The following NCK2 variants were observed in gnomAD, a reference collection of about 807,000 sequenced individuals.
The protein encoded by NCK2 is cytoplasmic protein NCK2.
Under a neutral mutation model 33.9 loss-of-function variants are expected in NCK2, and 16 were observed. That is an observed-to-expected ratio of 0.47 (90% CI 0.32 to 0.72). NCK2 has a LOEUF of 0.72. Among genes scored for constraint, NCK2 ranks in the 30% least tolerant of loss-of-function variants. The pLI, the probability that NCK2 is intolerant of heterozygous loss-of-function variation, is 0.03. For missense variants in NCK2, 418 were observed against 537.3 expected (o/e 0.78, Z 2.19); for synonymous variants, 273 against 239.9 (o/e 1.14, Z -1.27).
chr2:105,854,833 A>T (rs1223904650), intron 2 of NCK2: 2 of 469,346 alleles, frequency 4.3e-6, no homozygotes, highest in East Asian at 7.0e-5. Flanking sequence ...AGCAAACAGT[A>T]ACATAAGATT....
chr2:105,796,472 G>A (rs1289170265), intron 1 of NCK2, among the ~76,000 whole-genome samples: 2 of 152,166 alleles, frequency 1.3e-5, no homozygotes, highest in African/African-American at 4.8e-5. Context: ...GATGAATGGG[G>A]GCATTGGAGC....
At chr2:105,749,024 T>A (rs545695882) in intron 1 of NCK2, among the ~76,000 whole-genome samples, 6 of 152,248 alleles carry the variant, frequency 3.9e-5, no homozygotes, top group African/African-American at 1.2e-4. Flanking sequence ...GTCATGTGAG[T>A]CATTTGTAGT....
At chr2:105,884,973 T>C (rs1312491863) in intron 4 of NCK2, among the ~76,000 whole-genome samples, 2 of 152,204 alleles carry the variant, frequency 1.3e-5, no homozygotes, top group African/African-American at 4.8e-5. Flanking sequence ...GTGTGTCCAT[T>C]ATAAATCCTT....
intron 3 of NCK2, 95 bp downstream of exon 3, chr2:105,855,384 C>G: frequency 1.2e-6 from 1 of 851,100 alleles, no homozygotes; most frequent in Non-Finnish European, 1.8e-6. Context: ...AAAAAAAAGT[C>G]TGTTTTAAAA....
intron 4 of NCK2, among the ~76,000 whole-genome samples, chr2:105,891,433 T>A (rs1678971946): frequency 6.6e-6 from 1 of 152,124 alleles, no homozygotes; most frequent in Admixed American, 6.5e-5. Context: ...TGTTATTCAT[T>A]TAATGAATTG....
At chr2:105,844,349 A>G (rs1205749039) in intron 2 of NCK2, among the ~76,000 whole-genome samples, 9 of 152,176 alleles carry the variant, frequency 5.9e-5, no homozygotes, top group Non-Finnish European at 1.3e-4. Context: ...TAGTTAATGT[A>G]TGGGTAGTGG....
At chr2:105,865,176 G>A (rs987755603) in intron 3 of NCK2, among the ~76,000 whole-genome samples, 3 of 152,076 alleles carry the variant, frequency 2.0e-5, no homozygotes, top group Non-Finnish European at 4.4e-5. Context: ...TCTCACAAGC[G>A]TTTTCCCAGC....
chr2:105,792,939 C>T (rs1690943022), intron 1 of NCK2, among the ~76,000 whole-genome samples: 1 of 152,118 alleles, frequency 6.6e-6, no homozygotes. Context: ...GCTATTACCC[C>T]GACGTGCAGT....
intron 1 of NCK2, among the ~76,000 whole-genome samples, chr2:105,781,423 C>G (rs1402899393): frequency 6.6e-6 from 1 of 152,198 alleles, no homozygotes; most frequent in African/African-American, 2.4e-5. Context: ...CTTTTGAAGC[C>G]TTCAGGATTC....
intron 2 of NCK2, among the ~76,000 whole-genome samples, chr2:105,844,679 G>A (rs989554555): frequency 1.3e-5 from 2 of 149,864 alleles, no homozygotes; most frequent in Non-Finnish European, 3.0e-5. Flanking sequence ...AGGTTGCAGT[G>A]AGCTGAGATC....
chr2:105,759,022 A>G (rs921487464), intron 1 of NCK2, among the ~76,000 whole-genome samples: 1 of 152,216 alleles, frequency 6.6e-6, no homozygotes, highest in African/African-American at 2.4e-5. Context: ...TTGGTGATTT[A>G]CTATAGTTAA....
chr2:105,865,593 C>T (rs1017154248), intron 3 of NCK2, among the ~76,000 whole-genome samples: 3 of 152,154 alleles, frequency 2.0e-5, no homozygotes, highest in South Asian at 2.1e-4. Context: ...TGCCTGGACC[C>T]TAGGGATTCA....
At chr2:105,877,157 C>T (rs1678267175) in intron 3 of NCK2, among the ~76,000 whole-genome samples, 1 of 152,170 alleles carries the variant, frequency 6.6e-6, no homozygotes, top group South Asian at 2.1e-4. Context: ...GAAAGGCCAC[C>T]TGCACTCTTG....
At chr2:105,798,935 G>T (rs1691176559) in intron 1 of NCK2, among the ~76,000 whole-genome samples, 2 of 152,198 alleles carry the variant, frequency 1.3e-5, no homozygotes, top group Admixed American at 6.5e-5. Context: ...CTGATCTCCA[G>T]TGGTCTGAAA....
intron 1 of NCK2, among the ~76,000 whole-genome samples, chr2:105,766,144 G>A (rs1462182968): frequency 6.6e-6 from 1 of 152,116 alleles, no homozygotes; most frequent in South Asian, 2.1e-4. Flanking sequence ...GAGGGGAGGC[G>A]CAGGTGGGGC....
At chr2:105,801,645 C>G (rs1674845888) in intron 1 of NCK2, among the ~76,000 whole-genome samples, 1 of 151,882 alleles carries the variant, frequency 6.6e-6, no homozygotes, top group African/African-American at 2.4e-5. Context: ...GGCTTCTTAC[C>G]TACCCTGTGA....
intron 1 of NCK2, among the ~76,000 whole-genome samples, chr2:105,813,876 GC>G (rs1675382318): frequency 6.6e-6 from 1 of 152,184 alleles, no homozygotes; most frequent in African/African-American, 2.4e-5. Context: ...AGTGTTAATT[GC>G]CTTCCAGCCC....
intron 3 of NCK2, among the ~76,000 whole-genome samples, chr2:105,864,828 TACACACACACACAC>T (rs10524426): frequency 0.021 from 3,008 of 144,438 alleles, 40 homozygotes; most frequent in African/African-American, 0.027. Flanking sequence ...CATGTGCATG[TACACACACACACAC>T]ACACACACAC....
Position 105,881,850 on chromosome 2 carries a change from A to T in NCK2, c.749A>T (p.Asn250Ile). ...ARGQVGLVPK[N>I]YVVVLSDGPA... ...GGCCAGGTGGGCCTCGTCCCCAAAA[A>T]CTACGTGGTGGTCCTCAGTGACGGG... Residue 250 changes from asparagine (N) to isoleucine (I), a missense_variant, in exon 4 of 5, where the codon AAC becomes ATC. Asn to Ile is a moderately radical substitution (Grantham distance 149, BLOSUM62 -3). Coordinates refer to ENST00000233154, the MANE Select transcript of NCK2 (RefSeq NM_003581.5). 3 of 1,595,098 alleles carry T rather than the reference A, an allele frequency of 1.9e-6. No individual in the cohort carries two copies. Among genetic ancestry groups the T allele is most frequent in the Non-Finnish European group, 2.6e-6 (3 of 1,169,714 alleles).
Sources: allele counts gnomAD v4.1 joint callset (sites outside exome capture counted in the v4.1 genomes callset), GRCh38; gene constraint gnomAD v4.1.1; transcripts MANE v1.5; gene names NCBI Gene and HGNC (gene_info 2026-07-23, HGNC 2026-07-21).